The following PTPRG variants were observed in gnomAD, a reference collection of about 807,000 sequenced individuals.
The protein encoded by PTPRG is protein tyrosine phosphatase receptor type G.
A neutral mutation model predicts 165.3 loss-of-function variants in PTPRG; 102 were observed. That is an observed-to-expected ratio of 0.62 (90% confidence interval 0.53 to 0.73). The LOEUF is 0.73. Among genes scored for constraint, PTPRG ranks in the 30% least tolerant of loss-of-function variants. The pLI is 0.00. For missense variants in PTPRG, 1,866 were observed against 1,861.4 expected (o/e 1.00, Z -0.05); for synonymous variants, 675 against 669.5 (o/e 1.01, Z -0.13).
At chr3:61,589,675 G>A (rs1037769101) in intron 1 of PTPRG, among the ~76,000 whole-genome samples, 4 of 152,124 alleles carry the variant, frequency 2.6e-5, no homozygotes, top group Non-Finnish European at 4.4e-5. Context: ...ACTGGTCTGC[G>A]TGTCAGGATG....
chr3:62,018,616 G>A (rs991879090), intron 4 of PTPRG, among the ~76,000 whole-genome samples: 49 of 152,200 alleles, frequency 3.2e-4, no homozygotes, highest in African/African-American at 1.0e-3. Flanking sequence ...TAAGGAAAGA[G>A]CAAAATGTAA....
chr3:61,734,755 A>G (rs1049901396), intron 1 of PTPRG, among the ~76,000 whole-genome samples: 1 of 152,188 alleles, frequency 6.6e-6, no homozygotes, highest in Non-Finnish European at 1.5e-5. Context: ...TTCCTATCCC[A>G]AGTTTGATTG....
chr3:62,198,854 GC>G (rs745863555), intron 10 of PTPRG, among the ~76,000 whole-genome samples: 2 of 152,314 alleles, frequency 1.3e-5, no homozygotes, highest in East Asian at 3.9e-4. Flanking sequence ...GAGATTGGTT[GC>G]CTACATGCAT....
intron 4 of PTPRG, among the ~76,000 whole-genome samples, chr3:62,074,661 T>C (rs571540690): frequency 1.3e-5 from 2 of 152,268 alleles, no homozygotes; most frequent in South Asian, 4.1e-4. Context: ...TTTCTTCAGC[T>C]TACGTACACC....
intron 17 of PTPRG, among the ~76,000 whole-genome samples, chr3:62,264,999 G>C (rs906774499): frequency 6.7e-6 from 1 of 149,964 alleles, no homozygotes; most frequent in Admixed American, 6.6e-5. Context: ...CCGGTATGAA[G>C]TGGTATCCTA....
chr3:62,153,556 G>A (rs1235848791), intron 6 of PTPRG, among the ~76,000 whole-genome samples: 1 of 150,868 alleles, frequency 6.6e-6, no homozygotes, highest in Non-Finnish European at 1.5e-5. Flanking sequence ...GAGTAATCCA[G>A]TTAAAAAAAA....
At chr3:62,037,496 G>A (rs1025107636) in intron 4 of PTPRG, among the ~76,000 whole-genome samples, 1 of 152,188 alleles carries the variant, frequency 6.6e-6, no homozygotes, top group Non-Finnish European at 1.5e-5. Context: ...ATATCTGCAG[G>A]CATTAGCAAA....
At chr3:61,859,972 A>C (rs1312811095) in intron 2 of PTPRG, among the ~76,000 whole-genome samples, 1 of 152,200 alleles carries the variant, frequency 6.6e-6, no homozygotes, top group African/African-American at 2.4e-5. Flanking sequence ...TGCTCTTGTG[A>C]CATCCTTTAT....
At chr3:62,147,006 G>A (rs1704146505) in intron 6 of PTPRG, among the ~76,000 whole-genome samples, 2 of 152,190 alleles carry the variant, frequency 1.3e-5, no homozygotes, top group African/African-American at 4.8e-5. Context: ...TGGTCTTGCT[G>A]TAACAGAGCC....
intron 1 of PTPRG, among the ~76,000 whole-genome samples, chr3:61,592,821 C>T (rs1700605121): frequency 6.6e-6 from 1 of 152,110 alleles, no homozygotes; most frequent in Non-Finnish European, 1.5e-5. Flanking sequence ...CCATTTTCCC[C>T]CACAAGTTCC....
chr3:61,862,327 CAAGG>C (rs1321674406), intron 2 of PTPRG, among the ~76,000 whole-genome samples: 8 of 150,826 alleles, frequency 5.3e-5, no homozygotes, highest in Non-Finnish European at 8.8e-5. Context: ...CTCCTTTGGC[CAAGG>C]AACCATAACT....
intron 4 of PTPRG, among the ~76,000 whole-genome samples, chr3:62,025,244 G>A (rs1012246924): frequency 2.6e-5 from 4 of 152,108 alleles, no homozygotes; most frequent in Non-Finnish European, 5.9e-5. Flanking sequence ...CTGAATGCAT[G>A]TATATATATA....
At chr3:61,562,952 C>T (rs1403895829) in intron 1 of PTPRG, among the ~76,000 whole-genome samples, 4 of 152,054 alleles carry the variant, frequency 2.6e-5, no homozygotes, top group South Asian at 2.1e-4. Flanking sequence ...CGTCCTCCCT[C>T]TCTCTGGGGG....
At chr3:62,184,312 G>A (rs1175368785) in intron 8 of PTPRG, among the ~76,000 whole-genome samples, 4 of 152,202 alleles carry the variant, frequency 2.6e-5, no homozygotes, top group South Asian at 4.1e-4. Flanking sequence ...TCCTTCCTCC[G>A]TGTGGTTTGC....
chr3:61,756,609 T>C (rs1414458169), intron 2 of PTPRG, among the ~76,000 whole-genome samples: 1 of 152,214 alleles, frequency 6.6e-6, no homozygotes, highest in Non-Finnish European at 1.5e-5. Context: ...CTAAAGTTTC[T>C]TGGCATTTTC....
intron 1 of PTPRG, among the ~76,000 whole-genome samples, chr3:61,672,731 G>T (rs1462208697): frequency 2.3e-5 from 2 of 85,652 alleles, no homozygotes; most frequent in Non-Finnish European, 5.1e-5. Flanking sequence ...GAGGGAGACT[G>T]TGGGGAGAGG....
chr3:62,055,050 A>G (rs537340032), intron 4 of PTPRG, among the ~76,000 whole-genome samples: 1 of 152,294 alleles, frequency 6.6e-6, no homozygotes. Flanking sequence ...TTCAGGTAGA[A>G]TTATATCTCA....
In PTPRG at chr3:61,804,554, C is replaced by T. The variant is rs560485777; in HGVS notation, c.190+55572C>T. The stretch of plus-strand genomic sequence containing the variant: ...TATGAAAGGGTTAACATAGATCTGT[C>T]TCATCAGTGTCTTTCTGTTTAAGGA... On this transcript the variant is annotated intron_variant, in intron 2 of 29. Coordinates refer to ENST00000474889, the MANE Select transcript of PTPRG (RefSeq NM_002841.4). Among the ~76,000 whole-genome samples the T allele has an allele frequency of 3.3e-5, 5 of 152,164 alleles. No homozygotes were observed. The South Asian group carries it at 1.0e-3, about 32-fold the overall frequency.
intron 9 of PTPRG, among the ~76,000 whole-genome samples, chr3:62,192,665 C>T (rs2106810789): frequency 6.6e-6 from 1 of 152,158 alleles, no homozygotes; most frequent in East Asian, 1.9e-4. Context: ...CCCACCTCGG[C>T]CTCCCAAAGT....
Sources: gnomAD v4.1 joint callset for allele counts (sites outside exome capture counted in the v4.1 genomes callset) on GRCh38, gnomAD v4.1.1 for gene constraint, MANE v1.5 for transcripts, NCBI Gene and HGNC (gene_info 2026-07-23, HGNC 2026-07-21) for gene names.